The following WWC1 variants were observed in gnomAD, a reference collection of about 807,000 sequenced individuals.
WWC1 encodes the protein protein KIBRA.
A neutral mutation model predicts 138.4 loss-of-function variants in WWC1; 55 were observed. The ratio of observed to expected loss-of-function variants is 0.40; its 90% CI spans 0.32 to 0.50. The LOEUF is 0.50. Ranked by LOEUF, WWC1 falls within the 20% of genes least tolerant of loss-of-function variation. WWC1 has a pLI of 0.72. For synonymous variants in WWC1, 524 were observed against 564.9 expected (o/e 0.93, Z 1.03); for missense variants, 1,226 against 1,420.4 (o/e 0.86, Z 2.20).
chr5:168,312,325 G>A (rs1771179051), intron 1 of WWC1, among the ~76,000 whole-genome samples: 2 of 152,192 alleles, frequency 1.3e-5, no homozygotes, highest in South Asian at 4.1e-4. Context: ...TTCTGAGAAA[G>A]GTACTAATAT....
At position 168,452,808 on chromosome 5, in the gene WWC1, C is replaced by A. The variant is rs190391253; in HGVS notation, c.2526-1160C>A. On this transcript the variant is annotated intron_variant, in intron 17 of 22. Transcript: ENST00000265293. ...TCCTCTTCTTCCTCATCTTCCTCCT[C>A]CTTTTCCTCAACCACCCGCCTCGTT... Among the ~76,000 whole-genome samples, 124 of 152,276 alleles carry A rather than the reference C, an allele frequency of 8.1e-4. 1 individual carries two copies. In the East Asian group the frequency reaches 0.022, roughly 27 times the overall value.
chr5:168,293,575 T>C (rs1393410682), intron 1 of WWC1, among the ~76,000 whole-genome samples: 4 of 152,164 alleles, frequency 2.6e-5, no homozygotes, highest in Non-Finnish European at 4.4e-5. Flanking sequence ...GAATGTCTCA[T>C]GAATGTAATC....
chr5:168,302,575 C>A (rs1386169526), intron 1 of WWC1, among the ~76,000 whole-genome samples: 2 of 152,052 alleles, frequency 1.3e-5, no homozygotes, highest in African/African-American at 4.8e-5. Flanking sequence ...TTATCAAGAG[C>A]CTATTGTGGT....
chr5:168,349,745 G>A (rs1774783218), intron 1 of WWC1, among the ~76,000 whole-genome samples: 1 of 152,116 alleles, frequency 6.6e-6, no homozygotes, highest in African/African-American at 2.4e-5. Flanking sequence ...GTGGGGCTGG[G>A]AGTGGGGTTG....
chr5:168,311,804 G>C (rs1771109728), intron 1 of WWC1, among the ~76,000 whole-genome samples: 1 of 152,014 alleles, frequency 6.6e-6, no homozygotes, highest in Admixed American at 6.6e-5. Flanking sequence ...TTGAACCTGG[G>C]AGGCAGAGGT....
At chr5:168,381,248 T>C (rs1456211838) in intron 2 of WWC1, among the ~76,000 whole-genome samples, 2 of 152,172 alleles carry the variant, frequency 1.3e-5, no homozygotes, top group African/African-American at 2.4e-5. Flanking sequence ...AAGGGTCTCA[T>C]ATACCTTTAT....
intron 1 of WWC1, among the ~76,000 whole-genome samples, chr5:168,338,102 G>A (rs1773655412): frequency 6.6e-6 from 1 of 152,026 alleles, no homozygotes; most frequent in Non-Finnish European, 1.5e-5. Context: ...CCTGAGGTCA[G>A]GAGTTCGAGA....
At chr5:168,370,257 G>GTT (rs1776652081) in intron 1 of WWC1, among the ~76,000 whole-genome samples, 1 of 152,136 alleles carries the variant, frequency 6.6e-6, no homozygotes, top group Admixed American at 6.5e-5. Context: ...CTGTAGCTTG[G>GTT]TTGCACCATT....
chr5:168,367,810 C>T (rs1391987890), intron 1 of WWC1, among the ~76,000 whole-genome samples: 1 of 151,858 alleles, frequency 6.6e-6, no homozygotes, highest in East Asian at 1.9e-4. Context: ...TAGAGTTAGC[C>T]CTTATTCAAC....
chr5:168,448,825 T>C lies in WWC1; in HGVS notation c.2525+4240T>C, dbSNP rs546692998. 3.3e-5 allele frequency among the ~76,000 whole-genome samples: 5 copies of C among 152,182 alleles called. No homozygotes were observed. In the South Asian group the frequency reaches 1.0e-3, roughly 32 times the overall value. On this transcript the variant is annotated intron_variant, in intron 17 of 22. Transcript: ENST00000265293. ...TAGTAGAGATGGGGTTTCACCGTGT[T>C]AGCCAGGATGGTCTCGATCTCCTGA... is the stretch of plus-strand genomic sequence containing the variant.
At chr5:168,410,209 CTA>C (rs1017379493) in intron 8 of WWC1, 14 of 540,010 alleles carry the variant, frequency 2.6e-5, no homozygotes, top group Non-Finnish European at 3.9e-5. Context: ...GAGAGTGAAA[CTA>C]TGCTTTGAAC....
intron 17 of WWC1, among the ~76,000 whole-genome samples, chr5:168,452,289 C>T (rs1755903800): frequency 6.6e-6 from 1 of 152,184 alleles, no homozygotes; most frequent in Non-Finnish European, 1.5e-5. Context: ...TGTGTCCCCC[C>T]AAAATTCAAA....
At chr5:168,369,305 G>A (rs934697635) in intron 1 of WWC1, among the ~76,000 whole-genome samples, 2 of 152,176 alleles carry the variant, frequency 1.3e-5, no homozygotes, top group African/African-American at 4.8e-5. Context: ...ATACAGATAA[G>A]AATACTGAAG....
intron 9 of WWC1, chr5:168,414,860 A>T: frequency 2.2e-6 from 1 of 461,850 alleles, no homozygotes; most frequent in Non-Finnish European, 3.8e-6. Context: ...CTTCTGACTC[A>T]ATTAAGCCAC....
At chr5:168,294,110 A>G (rs1181108681) in intron 1 of WWC1, among the ~76,000 whole-genome samples, 2 of 152,146 alleles carry the variant, frequency 1.3e-5, no homozygotes, top group Non-Finnish European at 1.5e-5. Flanking sequence ...CCCTGCCAAC[A>G]CTGATAATCA....
chr5:168,321,359 C>T (rs553381549), intron 1 of WWC1, among the ~76,000 whole-genome samples: 4 of 152,222 alleles, frequency 2.6e-5, no homozygotes, highest in East Asian at 1.9e-4. Flanking sequence ...ATTTCCTTAG[C>T]GAGGCAGGAA....
Position 168,431,367 on chromosome 5 carries a change from T to G in WWC1, c.2203T>G (p.Ser735Ala), listed in dbSNP as rs3822659. The change falls in exon 15 of 23, where the codon TCC becomes GCC. Residue 735 changes from serine to alanine, a missense_variant. By Grantham distance (99) the Ser-to-Ala change is moderately conservative (BLOSUM62 1). Transcript: ENST00000265293. ...CAATGAGGTGTTCTGGGTATCCATG[T>G]CCTATCCAGCCCTTCACCAGAAGAC... ...VFNEVFWVSM[S>A]YPALHQKTLR... 0.078 allele frequency: 126,322 copies of G among 1,613,386 alleles called. 6,998 individuals carry two copies. Among genetic ancestry groups the G allele is most frequent in the African/African-American group, 0.27 (19,827 of 74,816 alleles).
intron 1 of WWC1, among the ~76,000 whole-genome samples, chr5:168,364,358 G>T (rs893342089): frequency 6.6e-6 from 1 of 151,966 alleles, no homozygotes; most frequent in Admixed American, 6.6e-5. Context: ...TTCTCTCCCT[G>T]CCCATGGCCC....
chr5:168,398,622 G>A (rs1009851004), intron 4 of WWC1, among the ~76,000 whole-genome samples: 7 of 152,058 alleles, frequency 4.6e-5, no homozygotes, highest in Non-Finnish European at 5.9e-5. Context: ...AGGCACAGCA[G>A]TGAAATTACT....
Sources: gnomAD v4.1 joint callset for allele counts (sites outside exome capture counted in the v4.1 genomes callset) on GRCh38, gnomAD v4.1.1 for gene constraint, MANE v1.5 for transcripts, NCBI Gene and HGNC (gene_info 2026-07-23, HGNC 2026-07-21) for gene names.